Variants in RPRD2 observed in about 807,000 individuals in gnomAD.
RPRD2 encodes regulation of nuclear pre-mRNA domain-containing protein 2.
In RPRD2, 12 loss-of-function variants were observed where a neutral mutation model predicts 104.4. That is an observed-to-expected ratio of 0.11 (90% CI 0.07 to 0.19). The LOEUF (loss-of-function observed/expected upper bound fraction) is 0.19, where lower values mean the gene tolerates loss of function less well. RPRD2 is among the 10% of genes least tolerant of loss of function. The pLI is 1.00. For synonymous variants in RPRD2, 714 were observed against 684.9 expected (o/e 1.04, Z -0.66); for missense variants, 1,543 against 1,790.1 (o/e 0.86, Z 2.49).
intron 1 of RPRD2, among the ~76,000 whole-genome samples, chr1:150,413,340 C>T (rs1553888010): frequency 6.6e-6 from 1 of 152,138 alleles, no homozygotes; most frequent in Non-Finnish European, 1.5e-5. Context: ...GTGGCTCACG[C>T]CTGTAATTCC....
intron 1 of RPRD2, among the ~76,000 whole-genome samples, chr1:150,412,982 G>A (rs999528434): frequency 6.7e-6 from 1 of 150,316 alleles, no homozygotes; most frequent in Non-Finnish European, 1.5e-5. Flanking sequence ...TAAAAAAAAA[G>A]GAAGGAAGGA....
At chr1:150,437,860 G>A (rs1289047550) in intron 2 of RPRD2, among the ~76,000 whole-genome samples, 2 of 151,634 alleles carry the variant, frequency 1.3e-5, no homozygotes, top group African/African-American at 4.8e-5. Context: ...AACTGCAGGC[G>A]TGAGCCACCG....
intron 1 of RPRD2, among the ~76,000 whole-genome samples, chr1:150,377,950 G>A (rs1303574117): frequency 1.3e-5 from 2 of 152,128 alleles, no homozygotes; most frequent in Non-Finnish European, 2.9e-5. Context: ...AACATTTATA[G>A]TGTAGGAAAA....
At position 150,470,974 on chromosome 1, in the gene RPRD2, T is replaced by C; in HGVS notation, c.2026T>C (p.Leu676=). Residue 676 remains leucine (L), a synonymous_variant, in exon 11 of 11, where the codon TTA becomes CTA. Transcript: ENST00000369068. Reference sequence around the variant, plus strand: ...CCTGGAAATGAAGATTCACAACTTCTTAAAAGGTAATCCTGGTTTCAGTGG... The same window carrying C: ...CCTGGAAATGAAGATTCACAACTTCCTAAAAGGTAATCCTGGTTTCAGTGG... ...PSLEMKIHNF[L]KGNPGFSGLN... The C allele has an allele frequency of 1.2e-6, 2 of 1,614,014 alleles. No homozygotes were observed. Among genetic ancestry groups the C allele is most frequent in the South Asian group, 2.2e-5 (2 of 91,084 alleles).
chr1:150,430,855 A>G (rs1310623627), intron 2 of RPRD2, among the ~76,000 whole-genome samples: 1 of 151,872 alleles, frequency 6.6e-6, no homozygotes, highest in Non-Finnish European at 1.5e-5. Flanking sequence ...TTGAACCGAG[A>G]GGTGGAGGTT....
chr1:150,384,663 GTGTGTGTGTGTGTGTGTGTT>G (rs1256464856), intron 1 of RPRD2, among the ~76,000 whole-genome samples: 2 of 145,086 alleles, frequency 1.4e-5, no homozygotes, highest in Non-Finnish European at 3.0e-5. Flanking sequence ...GTGTGTGTGT[GTGTGTGTGTGTGTGTGTGTT>G]TTTAGTAGAG....
intron 8 of RPRD2, among the ~76,000 whole-genome samples, chr1:150,458,031 T>C (rs1417496510): frequency 4.6e-5 from 7 of 152,154 alleles, no homozygotes; most frequent in South Asian, 2.1e-4. Flanking sequence ...ATTATGCCAC[T>C]GCACTCCAGT....
At chr1:150,461,315 A>G (rs1041752089) in intron 9 of RPRD2, among the ~76,000 whole-genome samples, 7 of 152,270 alleles carry the variant, frequency 4.6e-5, no homozygotes, top group Admixed American at 6.5e-5. Context: ...TTTACCCTTA[A>G]AAGTATATGT....
rs1475666305 is a variant in RPRD2, at chr1:150,364,189, C to T, written c.-526C>T. Among the ~76,000 whole-genome samples, 6 of 152,182 alleles carry T rather than the reference C, an allele frequency of 3.9e-5. No individual in the cohort carries two copies. The highest frequency in any genetic ancestry group is 3.9e-4 in the Admixed American group (6 of 15,270). On this transcript the variant is annotated 5_prime_UTR_variant, in exon 1 of 11. Coordinates refer to ENST00000369068, the MANE Select transcript of RPRD2 (RefSeq NM_015203.5). ...GCTGCTATTGCGTTGCAAAAAAAAT[C>T]CTGACTAGGTAGCCTTGGACCTTTT...
At chr1:150,403,502 G>A (rs1239839794) in intron 1 of RPRD2, among the ~76,000 whole-genome samples, 4 of 151,998 alleles carry the variant, frequency 2.6e-5, no homozygotes, top group African/African-American at 9.7e-5. Context: ...TCATGGTAAT[G>A]GAATCATATA....
intron 8 of RPRD2, 44 bp downstream of exon 8, chr1:150,457,614 TTTGC>T: frequency 1.1e-5 from 18 of 1,568,264 alleles, no homozygotes; most frequent in Non-Finnish European, 1.4e-5. Context: ...CCTTATCTGT[TTTGC>T]CTTCTCAGCA....
chr1:150,428,920 T>C (rs1275310148), intron 2 of RPRD2, among the ~76,000 whole-genome samples: 1 of 152,168 alleles, frequency 6.6e-6, no homozygotes, highest in Non-Finnish European at 1.5e-5. Flanking sequence ...AAAGCATCTG[T>C]TGAACATCCT....
chr1:150,419,197 A>G (rs587714627), intron 2 of RPRD2, among the ~76,000 whole-genome samples: 2 of 152,212 alleles, frequency 1.3e-5, no homozygotes, highest in East Asian at 1.9e-4. Context: ...ATATTTGTAA[A>G]TTGTTTTCTA....
intron 2 of RPRD2, among the ~76,000 whole-genome samples, chr1:150,422,340 AAATAATAATAAT>A (rs145145770): frequency 7.8e-6 from 1 of 128,320 alleles, no homozygotes. Flanking sequence ...CTCTGTCTCA[AAATAATAATAAT>A]AATAATAATA....
chr1:150,469,642 T>G (rs1026637161), intron 10 of RPRD2, among the ~76,000 whole-genome samples: 1 of 152,186 alleles, frequency 6.6e-6, no homozygotes, highest in Admixed American at 6.5e-5. Flanking sequence ...TTATAGAACC[T>G]TCTGTTATCT....
chr1:150,383,025 C>T (rs1661250283), intron 1 of RPRD2, among the ~76,000 whole-genome samples: 1 of 151,956 alleles, frequency 6.6e-6, no homozygotes, highest in South Asian at 2.1e-4. Flanking sequence ...CAGAGTCTCA[C>T]TGTGTCACCC....
intron 6 of RPRD2, among the ~76,000 whole-genome samples, 158 bp from the exon 7 acceptor site, chr1:150,446,068 A>C (rs1666750359): frequency 1.2e-5 from 1 of 85,414 alleles, no homozygotes; most frequent in South Asian, 2.4e-4. Context: ...ACTCCGTCTC[A>C]AAAAAAAAAA....
At chr1:150,378,829 A>G (rs1244015542) in intron 1 of RPRD2, among the ~76,000 whole-genome samples, 3 of 151,926 alleles carry the variant, frequency 2.0e-5, no homozygotes, top group Non-Finnish European at 4.4e-5. Flanking sequence ...CTAAAAATAC[A>G]AAACTTAGCC....
chr1:150,450,701 AC>A (rs1226508581), intron 7 of RPRD2, among the ~76,000 whole-genome samples: 1 of 149,412 alleles, frequency 6.7e-6, no homozygotes, highest in Non-Finnish European at 1.5e-5. Flanking sequence ...GCTCACTGCA[AC>A]CCCCGCCTCC....
Sources: gnomAD v4.1 joint callset for allele counts (sites outside exome capture counted in the v4.1 genomes callset) on GRCh38, gnomAD v4.1.1 for gene constraint, MANE v1.5 for transcripts, NCBI Gene and HGNC (gene_info 2026-07-23, HGNC 2026-07-21) for gene names.